Variants in CCT7 observed in about 807,000 individuals in gnomAD.
CCT7 encodes chaperonin containing TCP1 subunit 7.
A neutral mutation model predicts 56.6 loss-of-function variants in CCT7; 16 were observed. That is an observed-to-expected ratio of 0.28 (90% CI 0.19 to 0.43). CCT7 has a LOEUF of 0.43. CCT7 is among the 20% of genes least tolerant of loss of function. CCT7 has a pLI of 1.00. For synonymous variants in CCT7, 262 were observed against 254.8 expected (o/e 1.03, Z -0.27); for missense variants, 519 against 685.6 (o/e 0.76, Z 2.71).
At position 73,234,360 on chromosome 2, in the gene CCT7, C is replaced by G. The variant is rs747847801; in HGVS notation, c.-19C>G. ...CGGAGAAGAGGGGAGAGTGGCGGGCCGCTGAATAAGCTTCCAAAATGATGG... is the reference window on the plus strand; with the variant it reads ...CGGAGAAGAGGGGAGAGTGGCGGGCGGCTGAATAAGCTTCCAAAATGATGG... On this transcript the variant is annotated 5_prime_UTR_variant, in exon 1 of 12. Coordinates refer to ENST00000258091, the MANE Select transcript of CCT7 (RefSeq NM_006429.4). 5 of 1,613,248 alleles carry G rather than the reference C, an allele frequency of 3.1e-6. No homozygotes were observed. In the African/African-American group the frequency reaches 6.7e-5, roughly 22 times the overall value.
rs1574359032 is a variant in CCT7 at position 73,244,531 on chromosome 2, C to A, written c.447-13C>A. 6.3e-7 allele frequency: 1 copy of A among 1,599,758 alleles called. No individual in the cohort carries two copies. Among genetic ancestry groups the A allele is most frequent in the South Asian group, 1.1e-5 (1 of 89,700 alleles). ...TTTCAAGACCTGATGCAGATTCTGC[C>A]CTTGTGTCCCAGGGAGCAGAGGAAG... On this transcript the variant is annotated splice_polypyrimidine_tract_variant and intron_variant, in intron 5 of 11. Transcript: ENST00000258091.
chr2:73,250,407 A>G lies in CCT7; in HGVS notation c.1172A>G (p.Asp391Gly), dbSNP rs1687528005. The G allele has an allele frequency of 6.2e-7, 1 of 1,614,040 alleles. No individual in the cohort carries two copies. Among genetic ancestry groups the G allele is most frequent in the African/African-American group, 1.3e-5 (1 of 74,922 alleles). ...FMEETERSLH[D>G]AIMIVRRAIK... ...GAGGAGACAGAGCGGTCCCTGCATG[A>G]TGCCATCATGATCGTCAGGAGGGCC... is the stretch of plus-strand genomic sequence containing the variant. Residue 391 changes from aspartate (D) to glycine (G), a missense_variant, in exon 10 of 12, where the codon GAT becomes GGT. Transcript: ENST00000258091.
intron 11 of CCT7, 86 bp downstream of exon 11, chr2:73,251,518 C>T (rs999822006): frequency 1.5e-5 from 19 of 1,230,580 alleles, no homozygotes; most frequent in Admixed American, 9.5e-5. Flanking sequence ...AAGCTGTGCA[C>T]GCCTGGCCCA....
chr2:73,241,026 C>T (rs889956261), intron 3 of CCT7, among the ~76,000 whole-genome samples: 8 of 136,398 alleles, frequency 5.9e-5, no homozygotes, highest in African/African-American at 2.3e-4. Context: ...TTCCCCACTA[C>T]ACCAGGCTTT....
intron 1 of CCT7, chr2:73,235,525 C>T (rs527376321): frequency 3.0e-6 from 3 of 999,556 alleles, no homozygotes; most frequent in Admixed American, 6.1e-5. Flanking sequence ...TTTAACAGTA[C>T]TTCCTCTCCC....
rs776183426 is a variant in CCT7 at position 73,234,319 on chromosome 2, C to T, written c.-60C>T. On this transcript the variant is annotated 5_prime_UTR_variant, in exon 1 of 12. Transcript: ENST00000258091. ...CTATTGCGCGAGGCATTGTGGGTTG[C>T]TGGGCGGCCCGGTCTCGGAGAAGAG... is the stretch of plus-strand genomic sequence containing the variant. The T allele has an allele frequency of 1.7e-5, 27 of 1,609,648 alleles. No homozygotes were observed. Among genetic ancestry groups the T allele is most frequent in the Middle Eastern group, 1.6e-4 (1 of 6,072 alleles).
intron 11 of CCT7, among the ~76,000 whole-genome samples, chr2:73,251,970 T>C (rs1053454801): frequency 1.3e-5 from 2 of 151,812 alleles, no homozygotes; most frequent in Admixed American, 6.6e-5. Flanking sequence ...TTGCTTCTTA[T>C]GGTACCACAG....
chr2:73,242,160 G>A (rs1358405671), intron 3 of CCT7, among the ~76,000 whole-genome samples: 2 of 150,980 alleles, frequency 1.3e-5, no homozygotes, highest in Admixed American at 6.6e-5. Context: ...AGTGGCTCAT[G>A]CCTGTAATTC....
intron 6 of CCT7, among the ~76,000 whole-genome samples, chr2:73,246,595 A>G (rs540304306): frequency 6.6e-6 from 1 of 152,262 alleles, no homozygotes; most frequent in East Asian, 1.9e-4. Flanking sequence ...CATTCCCTAT[A>G]CAAAGCCAGG....
chr2:73,237,871 T>C (rs1487073097), intron 1 of CCT7, among the ~76,000 whole-genome samples: 1 of 152,136 alleles, frequency 6.6e-6, no homozygotes, highest in Non-Finnish European at 1.5e-5. Context: ...GAGACCAGCC[T>C]GGGCAACATT....
At position 73,234,319 on chromosome 2, in the gene CCT7, C is replaced by G; in HGVS notation, c.-60C>G. 2 of 1,609,766 alleles carry G rather than the reference C, an allele frequency of 1.2e-6. No individual in the cohort carries two copies. Among genetic ancestry groups the G allele is most frequent in the Non-Finnish European group, 1.7e-6 (2 of 1,176,318 alleles). On this transcript the variant is annotated 5_prime_UTR_variant, in exon 1 of 12. Transcript: ENST00000258091. ...CTATTGCGCGAGGCATTGTGGGTTG[C>G]TGGGCGGCCCGGTCTCGGAGAAGAG...
intron 4 of CCT7, chr2:73,243,705 G>C (rs1224964056): frequency 2.8e-6 from 1 of 359,072 alleles, no homozygotes; most frequent in East Asian, 4.5e-5. Context: ...TGTCACAGCT[G>C]TTTCCACTCA....
At chr2:73,248,226 G>A (rs535778984) in intron 7 of CCT7, among the ~76,000 whole-genome samples, 7 of 152,300 alleles carry the variant, frequency 4.6e-5, no homozygotes, top group African/African-American at 1.7e-4. Flanking sequence ...GCAAGTGTGA[G>A]TTCCTCCACT....
intron 6 of CCT7, among the ~76,000 whole-genome samples, chr2:73,247,013 T>C (rs146722369): frequency 3.9e-5 from 6 of 152,246 alleles, no homozygotes; most frequent in African/African-American, 7.2e-5. Flanking sequence ...AGATCTGAGA[T>C]TGGAACCTAA....
chr2:73,241,933 G>A (rs1687134551), intron 3 of CCT7, among the ~76,000 whole-genome samples: 1 of 151,836 alleles, frequency 6.6e-6, no homozygotes, highest in African/African-American at 2.4e-5. Context: ...TAGAGACGGG[G>A]TTTCACCATG....
At chr2:73,239,395 T>G in intron 1 of CCT7, 1 of 418,708 alleles carries the variant, frequency 2.4e-6, no homozygotes, top group Admixed American at 4.0e-5. Flanking sequence ...TTTTTTCTTT[T>G]AGATTAGGTC....
At chr2:73,247,003 A>G (rs528190261) in intron 6 of CCT7, among the ~76,000 whole-genome samples, 1 of 152,294 alleles carries the variant, frequency 6.6e-6, no homozygotes, top group Admixed American at 6.5e-5. Context: ...AGTAAGGAAA[A>G]GATCTGAGAT....
At chr2:73,246,029 C>T (rs1223949584) in intron 6 of CCT7, among the ~76,000 whole-genome samples, 1 of 152,176 alleles carries the variant, frequency 6.6e-6, no homozygotes, top group African/African-American at 2.4e-5. Context: ...GATTAGAAAT[C>T]AGGACTAATA....
At chr2:73,243,789 C>G (rs1405075467) in intron 4 of CCT7, 2 of 587,866 alleles carry the variant, frequency 3.4e-6, no homozygotes, top group African/African-American at 3.7e-5. Flanking sequence ...ACTGTATACC[C>G]ACTCTGCATT....
Sources: gnomAD v4.1 joint callset for allele counts (sites outside exome capture counted in the v4.1 genomes callset) on GRCh38, gnomAD v4.1.1 for gene constraint, MANE v1.5 for transcripts, NCBI Gene and HGNC (gene_info 2026-07-23, HGNC 2026-07-21) for gene names.